GRIK1: variants seen among roughly 807,000 people sequenced by gnomAD.
GRIK1 encodes the protein glutamate receptor ionotropic, kainate 1.
A neutral mutation model predicts 105.7 loss-of-function variants in GRIK1; 69 were observed. The ratio of observed to expected loss-of-function variants is 0.65; its 90% CI spans 0.54 to 0.80. The LOEUF (loss-of-function observed/expected upper bound fraction) is 0.80. Among genes scored for constraint, GRIK1 ranks in the 30% least tolerant of loss-of-function variants. The pLI is 0.00. For missense variants in GRIK1, 1,109 were observed against 1,167.3 expected (o/e 0.95, Z 0.73); for synonymous variants, 438 against 431.3 (o/e 1.02, Z -0.19).
intron 1 of GRIK1, among the ~76,000 whole-genome samples, chr21:29,843,335 A>ATGTT (rs981935353): frequency 6.6e-6 from 1 of 152,120 alleles, no homozygotes; most frequent in Admixed American, 6.5e-5. Context: ...AGGACTTACA[A>ATGTT]TGTTTGTTTG....
rs974840529 is a variant in GRIK1 at position 29,709,773 on chromosome 21, T to C, written c.119-15710A>G. Among the ~76,000 whole-genome samples, 7 of 152,120 alleles carry C rather than the reference T, an allele frequency of 4.6e-5. No homozygotes were observed. In the East Asian group the frequency reaches 7.7e-4, roughly 17 times the overall value. ...TGATCTTTTATAATTTTTTTTGTTA[T>C]TAACTTGATTTTATGTGTGTGTCTA... On this transcript the variant is annotated intron_variant, in intron 1 of 17. Coordinates refer to ENST00000327783, the MANE Select transcript of GRIK1 (RefSeq NM_001330994.2).
At chr21:29,698,546 C>T (rs1473847400) in intron 1 of GRIK1, among the ~76,000 whole-genome samples, 2 of 152,154 alleles carry the variant, frequency 1.3e-5, no homozygotes, top group Admixed American at 6.5e-5. Flanking sequence ...CCTGGGTTGT[C>T]CATGTTCTCT....
chr21:29,717,632 C>G (rs2064211050), intron 1 of GRIK1, among the ~76,000 whole-genome samples: 1 of 152,252 alleles, frequency 6.6e-6, no homozygotes, highest in Non-Finnish European at 1.5e-5. Context: ...TACCCAATGT[C>G]TACACCCCCA....
At chr21:29,936,228 C>G (rs1166666382) in intron 1 of GRIK1, among the ~76,000 whole-genome samples, 2 of 152,168 alleles carry the variant, frequency 1.3e-5, no homozygotes, top group African/African-American at 4.8e-5. Flanking sequence ...ACCATGACCT[C>G]TATAATTGTA....
intron 1 of GRIK1, among the ~76,000 whole-genome samples, chr21:29,922,538 T>G (rs2071225263): frequency 6.6e-6 from 1 of 152,104 alleles, no homozygotes; most frequent in African/African-American, 2.4e-5. Context: ...ACTACAAATC[T>G]CAGAAAGAAG....
intron 1 of GRIK1, among the ~76,000 whole-genome samples, chr21:29,916,274 TATGCAA>T (rs2070993703): frequency 6.6e-6 from 1 of 151,804 alleles, no homozygotes; most frequent in African/African-American, 2.4e-5. Context: ...TGAGATTATT[TATGCAA>T]TGTCATACAC....
rs76570131 is a variant in GRIK1, at chr21:29,656,699, C to T, written c.727-1836G>A. 6.1e-3 allele frequency among the ~76,000 whole-genome samples: 926 copies of T among 152,254 alleles called. 15 individuals are homozygous for T. Among genetic ancestry groups the T allele is most frequent in the African/African-American group, 0.021 (868 of 41,544 alleles). On this transcript the variant is annotated intron_variant, in intron 4 of 17. Transcript: ENST00000327783. ...GGGGAAAGACATTGCAAGTTATCAG[C>T]GGTTCTGGAAGGTGCCTAAGATATG...
intron 14 of GRIK1, among the ~76,000 whole-genome samples, chr21:29,563,791 A>G (rs746414713): frequency 6.6e-6 from 1 of 152,182 alleles, no homozygotes; most frequent in Non-Finnish European, 1.5e-5. Context: ...ATCGGCTCAT[A>G]CAAACTGCTA....
At chr21:29,682,811 A>C (rs1250426149) in intron 3 of GRIK1, among the ~76,000 whole-genome samples, 2 of 152,258 alleles carry the variant, frequency 1.3e-5, no homozygotes, top group African/African-American at 4.8e-5. Flanking sequence ...GAGCTTCTGC[A>C]CAGCAAGAGA....
At chr21:29,662,240 C>A (rs561140052) in intron 4 of GRIK1, among the ~76,000 whole-genome samples, 106 of 152,296 alleles carry the variant, frequency 7.0e-4, no homozygotes, top group African/African-American at 2.5e-3. Context: ...CACCCAGGTG[C>A]ACAACAGATG....
intron 1 of GRIK1, among the ~76,000 whole-genome samples, chr21:29,724,104 TAGA>T (rs961691855): frequency 6.6e-6 from 1 of 152,248 alleles, no homozygotes; most frequent in Non-Finnish European, 1.5e-5. Flanking sequence ...TATGTATATG[TAGA>T]AGAAGACAGC....
At position 29,848,779 on chromosome 21, in the gene GRIK1, A is replaced by ATATATTTTTTT; in HGVS notation, c.118+90603_118+90604insAAAAAAATATA. Among the ~76,000 whole-genome samples the ATATATTTTTTT allele has an allele frequency of 1.7e-4, 13 of 77,864 alleles. No homozygotes were observed. The South Asian group carries it at 3.2e-3, about 19-fold the overall frequency. The allele number at this position is 77,864 out of a possible 152,430, so 51.1% of individuals were successfully genotyped here. A position where few individuals can be genotyped will look rare whatever the true frequency, so the allele number is the denominator to read the frequency against. ...TGTATATATATATATATATATATAT[A>ATATATTTTTTT]TTTTTTTTTTTTTCCACGATCTTCA... is the stretch of plus-strand genomic sequence containing the variant. On this transcript the variant is annotated intron_variant, in intron 1 of 17. Coordinates refer to ENST00000327783, the MANE Select transcript of GRIK1 (RefSeq NM_001330994.2).
intron 1 of GRIK1, among the ~76,000 whole-genome samples, chr21:29,740,316 C>A (rs894713889): frequency 6.6e-6 from 1 of 151,848 alleles, no homozygotes; most frequent in South Asian, 2.1e-4. Flanking sequence ...CTCCAGGGTT[C>A]AAGCGATTCT....
intron 1 of GRIK1, among the ~76,000 whole-genome samples, chr21:29,902,010 G>A (rs961963467): frequency 5.3e-5 from 8 of 152,206 alleles, no homozygotes; most frequent in African/African-American, 1.9e-4. Flanking sequence ...ATTAATAAAT[G>A]TAACCCATCA....
At chr21:29,728,741 G>A (rs562543445) in intron 1 of GRIK1, among the ~76,000 whole-genome samples, 2 of 152,156 alleles carry the variant, frequency 1.3e-5, no homozygotes, top group Non-Finnish European at 2.9e-5. Context: ...TACATTCCTT[G>A]CCTTCATAGA....
At chr21:29,935,504 T>C (rs1055403676) in intron 1 of GRIK1, among the ~76,000 whole-genome samples, 6 of 152,218 alleles carry the variant, frequency 3.9e-5, no homozygotes, top group African/African-American at 1.4e-4. Flanking sequence ...CACACTTATG[T>C]AAAAATATGA....
At chr21:29,781,103 G>A (rs1431560452) in intron 1 of GRIK1, among the ~76,000 whole-genome samples, 1 of 152,122 alleles carries the variant, frequency 6.6e-6, no homozygotes, top group Non-Finnish European at 1.5e-5. Flanking sequence ...ATTTTAATGA[G>A]TATTCTTTAA....
intron 1 of GRIK1, among the ~76,000 whole-genome samples, chr21:29,789,086 C>A (rs2832442): frequency 0.039 from 5,928 of 152,298 alleles, 192 homozygotes; most frequent in Middle Eastern, 0.068. Context: ...TATGTTAAAC[C>A]TTACCTGAGA....
At chr21:29,567,474 G>C (rs982762914) in intron 14 of GRIK1, among the ~76,000 whole-genome samples, 1 of 151,910 alleles carries the variant, frequency 6.6e-6, no homozygotes, top group African/African-American at 2.4e-5. Context: ...TTTATATATC[G>C]ATCTGTGTTT....
Sources: allele counts gnomAD v4.1 joint callset (sites outside exome capture counted in the v4.1 genomes callset), GRCh38; gene constraint gnomAD v4.1.1; transcripts MANE v1.5; gene names NCBI Gene and HGNC (gene_info 2026-07-23, HGNC 2026-07-21).